KIF26B: variants seen among roughly 807,000 people sequenced by gnomAD.
KIF26B encodes kinesin family member 26B.
A neutral mutation model predicts 151.2 loss-of-function variants in KIF26B; 63 were observed. The observed-to-expected ratio is 0.42, with a 90% CI of 0.34 to 0.51. The LOEUF is 0.51. Ranked by LOEUF, KIF26B falls within the 20% of genes least tolerant of loss-of-function variation. KIF26B has a pLI of 0.07. For synonymous variants in KIF26B, 1,357 were observed against 1,262.1 expected (o/e 1.08, Z -1.59); for missense variants, 2,813 against 2,913.6 (o/e 0.97, Z 0.79).
rs780187188 is a variant in KIF26B at position 245,685,971 on chromosome 1, C to A, written c.2988C>A (p.Leu996=). 6.2e-7 allele frequency: 1 copy of A among 1,602,084 alleles called. No homozygotes were observed. Among genetic ancestry groups the A allele is most frequent in the Non-Finnish European group, 8.5e-7 (1 of 1,174,680 alleles). ...GQLTNREGPE[L]PASKMQRSHS... ...TGACCAACAGAGAAGGCCCTGAACT[C>A]CCAGCCTCCAAGATGCAGAGGAGTC... is the stretch of plus-strand genomic sequence containing the variant. The change falls in exon 12 of 15, where the codon CTC becomes CTA. Residue 996 remains leucine (L), a synonymous_variant. Transcript: ENST00000407071.
At chr1:245,276,544 C>T (rs1356543633) in intron 2 of KIF26B, among the ~76,000 whole-genome samples, 3 of 152,138 alleles carry the variant, frequency 2.0e-5, no homozygotes, top group Non-Finnish European at 2.9e-5. Flanking sequence ...TATTCTAAAC[C>T]ATCCCTTGGG....
chr1:245,576,580 C>G (rs144311346), intron 5 of KIF26B, among the ~76,000 whole-genome samples: 10 of 152,302 alleles, frequency 6.6e-5, no homozygotes, highest in Non-Finnish European at 1.5e-4. Context: ...TGGACCTGCA[C>G]TCCGTGTGCC....
At chr1:245,546,984 T>A (rs6671334) in intron 5 of KIF26B, among the ~76,000 whole-genome samples, 1 of 152,262 alleles carries the variant, frequency 6.6e-6, no homozygotes. Flanking sequence ...GAAAATGTTC[T>A]GACTCTTAAT....
chr1:245,282,140 A>C (rs1008344238), intron 2 of KIF26B, among the ~76,000 whole-genome samples: 5 of 152,144 alleles, frequency 3.3e-5, no homozygotes, highest in Admixed American at 6.5e-5. Flanking sequence ...GGGTAGGAAG[A>C]ATCAATATCG....
At chr1:245,271,601 T>C (rs1670857798) in intron 2 of KIF26B, among the ~76,000 whole-genome samples, 1 of 151,178 alleles carries the variant, frequency 6.6e-6, no homozygotes, top group African/African-American at 2.4e-5. Flanking sequence ...TTTTTTTACA[T>C]ATTTTGAGAT....
chr1:245,320,030 A>G (rs6677271), intron 2 of KIF26B, among the ~76,000 whole-genome samples: 150,572 of 152,364 alleles, frequency 0.99, 74,403 homozygotes, highest in East Asian at 1. Flanking sequence ...TTAACAAAGT[A>G]TTTTATGTAT....
chr1:245,645,314 C>G (rs2043935574), intron 9 of KIF26B, among the ~76,000 whole-genome samples: 1 of 152,182 alleles, frequency 6.6e-6, no homozygotes, highest in Non-Finnish European at 1.5e-5. Flanking sequence ...AACATCCAAA[C>G]TACATCAGGT....
At position 245,241,425 on chromosome 1, in the gene KIF26B, T is replaced by G. The variant is rs1270813429; in HGVS notation, c.465+84742T>G. ...GTCTGGTTCTAAGTAGGAGAAGAGG[T>G]GGAACTTGGAGCTGGGCACCAGCTG... On this transcript the variant is annotated intron_variant, in intron 2 of 14. Coordinates refer to ENST00000407071, the MANE Select transcript of KIF26B (RefSeq NM_018012.4). The surrounding 1 kb of genome is among the most constrained non-coding windows in gnomAD (Gnocchi z 5.0). Among the ~76,000 whole-genome samples the G allele has an allele frequency of 6.6e-6, 1 of 151,716 alleles. No homozygotes were observed. The highest frequency in any genetic ancestry group is 2.0e-4 in the East Asian group (1 of 5,118).
At chr1:245,320,316 G>A (rs1458048869) in intron 2 of KIF26B, among the ~76,000 whole-genome samples, 5 of 152,154 alleles carry the variant, frequency 3.3e-5, no homozygotes, top group Non-Finnish European at 7.4e-5. Context: ...TTTTTAAATA[G>A]ACTTTTTAAA....
intron 3 of KIF26B, among the ~76,000 whole-genome samples, chr1:245,391,685 G>T (rs1047114031): frequency 6.7e-6 from 1 of 150,118 alleles, no homozygotes; most frequent in Non-Finnish European, 1.5e-5. Flanking sequence ...AGAGAGATTT[G>T]TGAAAATGTA....
At chr1:245,272,407 A>G (rs900555931) in intron 2 of KIF26B, among the ~76,000 whole-genome samples, 2 of 152,120 alleles carry the variant, frequency 1.3e-5, no homozygotes, top group Non-Finnish European at 1.5e-5. Context: ...CATCTCTTTA[A>G]AAAACAAACA....
chr1:245,497,170 A>G (rs1572092302), intron 4 of KIF26B, among the ~76,000 whole-genome samples: 3 of 150,484 alleles, frequency 2.0e-5, no homozygotes, highest in East Asian at 3.9e-4. Flanking sequence ...AAAAAAAAAG[A>G]TAAGTATCTT....
intron 2 of KIF26B, among the ~76,000 whole-genome samples, chr1:245,192,362 A>T (rs1201467380): frequency 1.3e-5 from 2 of 151,572 alleles, no homozygotes; most frequent in East Asian, 3.9e-4. Context: ...AAAAAAAAGG[A>T]TGCTTGCTAC....
At chr1:245,209,234 T>C (rs780292543) in intron 2 of KIF26B, among the ~76,000 whole-genome samples, 37 of 152,028 alleles carry the variant, frequency 2.4e-4, no homozygotes, top group Non-Finnish European at 5.3e-4. Context: ...ACCCCATTTC[T>C]ACTAAAAATA....
At chr1:245,330,022 A>G (rs1474537590) in intron 2 of KIF26B, among the ~76,000 whole-genome samples, 1 of 151,944 alleles carries the variant, frequency 6.6e-6, no homozygotes, top group African/African-American at 2.4e-5. Flanking sequence ...GCCCAGGCTG[A>G]TCTTGAACCT....
At chr1:245,559,837 C>T (rs2042922417) in intron 5 of KIF26B, among the ~76,000 whole-genome samples, 1 of 151,988 alleles carries the variant, frequency 6.6e-6, no homozygotes, top group Non-Finnish European at 1.5e-5. Flanking sequence ...TGAGCCACCA[C>T]ACCCAGCCTA....
intron 2 of KIF26B, among the ~76,000 whole-genome samples, chr1:245,249,081 G>A (rs1280947586): frequency 2.0e-5 from 3 of 152,084 alleles, no homozygotes; most frequent in Admixed American, 2.0e-4. Flanking sequence ...GTCTATAACA[G>A]GTGGAGCAAG....
chr1:245,335,973 AG>A (rs1159538504), intron 2 of KIF26B, among the ~76,000 whole-genome samples: 1 of 128,828 alleles, frequency 7.8e-6, no homozygotes, highest in Non-Finnish European at 1.6e-5. Context: ...AGTCCCACGC[AG>A]GGAAAGGAGG....
intron 5 of KIF26B, among the ~76,000 whole-genome samples, chr1:245,561,891 C>T (rs1052670946): frequency 3.3e-5 from 5 of 152,276 alleles, no homozygotes; most frequent in Admixed American, 6.5e-5. Flanking sequence ...ACGTAAATGT[C>T]AGAGGTGGTC....
Sources: allele counts gnomAD v4.1 joint callset (sites outside exome capture counted in the v4.1 genomes callset), GRCh38; gene constraint gnomAD v4.1.1; non-coding constraint Gnocchi (gnomAD v3.1); transcripts MANE v1.5; gene names NCBI Gene and HGNC (gene_info 2026-07-23, HGNC 2026-07-21).